Variants in CDH18 observed in about 807,000 individuals in gnomAD.
The protein encoded by CDH18 is cadherin-18.
Under a neutral mutation model 67.9 loss-of-function variants are expected in CDH18, and 31 were observed. The ratio of observed to expected loss-of-function variants is 0.46; its 90% confidence interval spans 0.34 to 0.62. CDH18 has a LOEUF of 0.62. CDH18 is among the 20% of genes least tolerant of loss of function. The probability of loss-of-function intolerance (pLI) is 0.01; values close to 1 mark genes in which losing one functional copy is unlikely to be tolerated. For missense variants in CDH18, 890 were observed against 975.5 expected (o/e 0.91, Z 1.17); for synonymous variants, 362 against 347.2 (o/e 1.04, Z -0.48).
chr5:20,569,375 C>A (rs1409382617), intron 1 of CDH18, among the ~76,000 whole-genome samples: 3 of 152,166 alleles, frequency 2.0e-5, no homozygotes, highest in Non-Finnish European at 4.4e-5. Context: ...GTAATCCCAG[C>A]ACTTTGGAAG....
chr5:19,669,303 A>T (rs989878647), intron 5 of CDH18, among the ~76,000 whole-genome samples: 1 of 147,240 alleles, frequency 6.8e-6, no homozygotes, highest in Admixed American at 6.9e-5. Context: ...TAATATATAT[A>T]TTTTTTGAGA....
chr5:20,019,269 G>C (rs1290540214), intron 2 of CDH18, among the ~76,000 whole-genome samples: 1 of 152,174 alleles, frequency 6.6e-6, no homozygotes, highest in South Asian at 2.1e-4. Context: ...CTAATGTTAA[G>C]AAATGTTTGC....
chr5:20,463,789 C>T (rs1751443297), intron 1 of CDH18, among the ~76,000 whole-genome samples: 1 of 152,140 alleles, frequency 6.6e-6, no homozygotes, highest in African/African-American at 2.4e-5. Flanking sequence ...TCTATTTGTT[C>T]TACTCAGACT....
intron 2 of CDH18, among the ~76,000 whole-genome samples, chr5:20,010,451 T>A (rs1737325040): frequency 6.6e-6 from 1 of 151,926 alleles, no homozygotes. Flanking sequence ...TCAAGTGATC[T>A]GTCCATCTCA....
chr5:20,295,878 T>TC (rs1187044038), intron 1 of CDH18, among the ~76,000 whole-genome samples: 7 of 145,000 alleles, frequency 4.8e-5, no homozygotes, highest in East Asian at 4.0e-4. Context: ...TTTTCTTTTT[T>TC]TTTTTTTTTT....
chr5:20,289,140 T>G (rs973410616), intron 1 of CDH18, among the ~76,000 whole-genome samples: 6 of 151,966 alleles, frequency 3.9e-5, no homozygotes, highest in Non-Finnish European at 8.8e-5. Context: ...GGCTAGTCTT[T>G]ATTCCACACT....
chr5:20,363,331 G>T (rs116301420), intron 1 of CDH18, among the ~76,000 whole-genome samples: 3 of 151,628 alleles, frequency 2.0e-5, no homozygotes, highest in East Asian at 1.9e-4. Flanking sequence ...CTAAAAATAC[G>T]AAAGTAAGCC....
intron 1 of CDH18, among the ~76,000 whole-genome samples, chr5:20,532,330 AAGC>A (rs1448530596): frequency 1.3e-5 from 2 of 152,098 alleles, no homozygotes; most frequent in African/African-American, 4.8e-5. Context: ...ATACTTTCTA[AAGC>A]AGTCACTAAC....
intron 2 of CDH18, among the ~76,000 whole-genome samples, chr5:20,020,184 T>C (rs1284967987): frequency 1.3e-5 from 2 of 152,170 alleles, no homozygotes; most frequent in Admixed American, 1.3e-4. Context: ...TGTATGCTTA[T>C]ATTTGTGAAC....
At chr5:19,608,448 A>G (rs1362812312) in intron 6 of CDH18, among the ~76,000 whole-genome samples, 1 of 151,652 alleles carries the variant, frequency 6.6e-6, no homozygotes. Flanking sequence ...AATGATGAAA[A>G]TATTATATAA....
intron 2 of CDH18, among the ~76,000 whole-genome samples, chr5:20,184,795 T>G (rs1051377319): frequency 2.6e-5 from 4 of 152,130 alleles, no homozygotes; most frequent in Non-Finnish European, 4.4e-5. Flanking sequence ...AAAAAGGGAC[T>G]GTGTGTTCTA....
chr5:19,550,054 T>G (rs562660722), intron 8 of CDH18, among the ~76,000 whole-genome samples: 2 of 151,904 alleles, frequency 1.3e-5, no homozygotes, highest in South Asian at 4.2e-4. Flanking sequence ...GAAAGAAAGA[T>G]CTTAAATCTG....
At chr5:19,518,143 G>A (rs1340748517) in intron 10 of CDH18, among the ~76,000 whole-genome samples, 2 of 151,818 alleles carry the variant, frequency 1.3e-5, no homozygotes, top group East Asian at 3.9e-4. Flanking sequence ...TGAAATCAGT[G>A]CATAGAAAAA....
chr5:19,648,265 CTTA>C, intron 5 of CDH18, among the ~76,000 whole-genome samples: 1 of 151,180 alleles, frequency 6.6e-6, no homozygotes, highest in African/African-American at 2.4e-5. Flanking sequence ...AAATACAAAA[CTTA>C]GCCTGATGTG....
rs1396808942 is a variant in CDH18 at position 19,721,411 on chromosome 5, G to A, written c.579C>T (p.Asn193=). 19 of 1,610,948 alleles carry A rather than the reference G, an allele frequency of 1.2e-5. No homozygotes were observed. The highest frequency in any genetic ancestry group is 1.5e-5 in the Non-Finnish European group (18 of 1,177,708). ...ATDADDPTYG[N]SARVVYSILQ... ...GAATGCTGTAAACCACCCGAGCGCT[G>A]TTTCCATAGGTAGGGTCATCTGCAT... The change falls in exon 5 of 13, where the codon AAC becomes AAT. Residue 193 remains asparagine (N), a synonymous_variant. Transcript: ENST00000382275.
intron 5 of CDH18, among the ~76,000 whole-genome samples, chr5:19,623,998 A>G (rs1030489741): frequency 6.8e-6 from 1 of 147,084 alleles, no homozygotes; most frequent in Admixed American, 6.8e-5. Flanking sequence ...TATTATTATT[A>G]TTATTATTAT....
At chr5:20,236,781 C>A (rs114509511) in intron 2 of CDH18, among the ~76,000 whole-genome samples, 2 of 151,958 alleles carry the variant, frequency 1.3e-5, no homozygotes, top group Non-Finnish European at 1.5e-5. Flanking sequence ...ACAAATACTA[C>A]ACAAACTCTT....
chr5:20,102,042 G>A (rs1746513348), intron 2 of CDH18, among the ~76,000 whole-genome samples: 1 of 152,202 alleles, frequency 6.6e-6, no homozygotes, highest in South Asian at 2.1e-4. Flanking sequence ...CTGTACTCCA[G>A]CCTGGGGGAC....
At chr5:19,498,259 T>A (rs1436882659) in intron 11 of CDH18, among the ~76,000 whole-genome samples, 5 of 152,106 alleles carry the variant, frequency 3.3e-5, no homozygotes, top group African/African-American at 1.2e-4. Flanking sequence ...GGCTGATTGG[T>A]ATACAAACAC....
Sources: gnomAD v4.1 joint callset for allele counts (sites outside exome capture counted in the v4.1 genomes callset) on GRCh38, gnomAD v4.1.1 for gene constraint, MANE v1.5 for transcripts, NCBI Gene and HGNC (gene_info 2026-07-23, HGNC 2026-07-21) for gene names.